The following DOCK8 variants were observed in gnomAD, a reference collection of about 807,000 sequenced individuals.
The protein encoded by DOCK8 is dedicator of cytokinesis protein 8.
A neutral mutation model predicts 245.6 loss-of-function variants in DOCK8; 141 were observed. That is an observed-to-expected ratio of 0.57 (90% CI 0.50 to 0.66). DOCK8 has a LOEUF of 0.66. Ranked by LOEUF, DOCK8 falls within the 30% of genes least tolerant of loss-of-function variation. The probability of loss-of-function intolerance (pLI) is 0.00; values close to 1 mark genes in which losing one functional copy is unlikely to be tolerated. For synonymous variants in DOCK8, 1,168 were observed against 970.2 expected, an observed-to-expected ratio of 1.20 and a Z score of -3.79; for missense variants, 2,965 against 2,603.4, an observed-to-expected ratio of 1.14 and a Z score of -3.02.
chr9:427,357 C>G (rs1260095093), intron 34 of DOCK8, among the ~76,000 whole-genome samples: 1 of 152,150 alleles, frequency 6.6e-6, no homozygotes, highest in African/African-American at 2.4e-5. Flanking sequence ...GAATGATGGT[C>G]ACTGTCTGAT....
chr9:361,529 T>C (rs2052730048), intron 14 of DOCK8, among the ~76,000 whole-genome samples: 1 of 152,224 alleles, frequency 6.6e-6, no homozygotes, highest in Non-Finnish European at 1.5e-5. Context: ...GAGATTGACT[T>C]GTTCACCTTA....
At chr9:432,137 C>T (rs756055716) in intron 36 of DOCK8, 29 bp from the exon 37 acceptor site, 1 of 1,545,114 alleles carries the variant, frequency 6.5e-7, no homozygotes, top group Non-Finnish European at 8.7e-7. Flanking sequence ...TTATTTACTT[C>T]ATCTTTTTTT....
intron 1 of DOCK8, among the ~76,000 whole-genome samples, chr9:252,851 A>C (rs1325737499): frequency 1.3e-5 from 2 of 151,920 alleles, no homozygotes; most frequent in Non-Finnish European, 2.9e-5. Flanking sequence ...GGCAGGCTTT[A>C]TTTGTTAACT....
chr9:419,021 A>C (rs1052424359), intron 30 of DOCK8, among the ~76,000 whole-genome samples: 6 of 152,186 alleles, frequency 3.9e-5, no homozygotes, highest in African/African-American at 1.4e-4. Flanking sequence ...TGTGGGCTCA[A>C]AGAGGGGCTC....
At chr9:230,715 G>GA (rs1276055084) in intron 1 of DOCK8, among the ~76,000 whole-genome samples, 1 of 151,274 alleles carries the variant, frequency 6.6e-6, no homozygotes, top group Non-Finnish European at 1.5e-5. Context: ...AGAAGTGTTT[G>GA]TTCATATCCT....
chr9:386,076 C>G (rs1181974428), intron 22 of DOCK8, among the ~76,000 whole-genome samples: 1 of 152,228 alleles, frequency 6.6e-6, no homozygotes, highest in East Asian at 1.9e-4. Context: ...CTCAGCAGCC[C>G]AGATTCTTAA....
At chr9:359,213 G>A (rs1440268155) in intron 14 of DOCK8, among the ~76,000 whole-genome samples, 1 of 152,148 alleles carries the variant, frequency 6.6e-6, no homozygotes, top group Non-Finnish European at 1.5e-5. Flanking sequence ...CATCCCTTTA[G>A]CCCTTGTAGA....
rs186375658 is a variant in DOCK8 at position 256,493 on chromosome 9, T to A, written c.54-15134T>A. ...GCTGTTATGAGGATAAATTTGGCTT[T>A]ATTGAATGTGCATGATTCCTGGAAC... On this transcript the variant is annotated intron_variant, in intron 1 of 47. Transcript: ENST00000432829. 1.5e-3 allele frequency among the ~76,000 whole-genome samples: 235 copies of A among 152,346 alleles called. 3 individuals carry two copies. The highest frequency in any genetic ancestry group is 5.4e-3 in the African/African-American group (225 of 41,594).
chr9:233,864 G>A (rs142971351), intron 1 of DOCK8, among the ~76,000 whole-genome samples: 4 of 151,874 alleles, frequency 2.6e-5, no homozygotes, highest in African/African-American at 9.7e-5. Context: ...TTGCCAGTCT[G>A]TGTCTTTTAA....
chr9:445,954 T>A (rs2057239978), intron 43 of DOCK8, among the ~76,000 whole-genome samples: 1 of 152,220 alleles, frequency 6.6e-6, no homozygotes. Context: ...CTGATCTCCA[T>A]CCTTGCCAGC....
At chr9:419,767 G>C (rs2056196814) in intron 30 of DOCK8, among the ~76,000 whole-genome samples, 1 of 152,120 alleles carries the variant, frequency 6.6e-6, no homozygotes, top group African/African-American at 2.4e-5. Context: ...ATGAATACTT[G>C]TGGCCAAAAT....
At chr9:222,951 C>T (rs907644485) in intron 1 of DOCK8, among the ~76,000 whole-genome samples, 5 of 152,080 alleles carry the variant, frequency 3.3e-5, no homozygotes, top group East Asian at 1.9e-4. Flanking sequence ...CCCTTTCTAT[C>T]GCAAAATAAG....
At position 356,540 on chromosome 9, in the gene DOCK8, A is replaced by AG. The variant is rs953554641; in HGVS notation, c.1680-11478_1680-11477insG. ...GCGAGACTCTGTCTCAAAAAAAAAAAAAAAAGAAAAAATTTGGTTTGGGTC... is the reference window on the plus strand; with the variant it reads ...GCGAGACTCTGTCTCAAAAAAAAAAAGAAAAAGAAAAAATTTGGTTTGGGTC... On this transcript the variant is annotated intron_variant, in intron 14 of 47. Transcript: ENST00000432829. 2.0e-4 allele frequency among the ~76,000 whole-genome samples: 31 copies of AG among 151,628 alleles called. 1 individual carries two copies. Among genetic ancestry groups the AG allele is most frequent in the African/African-American group, 7.0e-4 (29 of 41,366 alleles).
chr9:432,469 G>GAGTGCTGAGAGCA, intron 37 of DOCK8, 145 bp downstream of exon 37: 1 of 794,360 alleles, frequency 1.3e-6, no homozygotes, highest in Non-Finnish European at 2.0e-6. Context: ...TGTGCTCTCA[G>GAGTGCTGAGAGCA]CACTCTGAGA....
At chr9:284,545 C>T (rs1252732619) in intron 2 of DOCK8, 2 of 152,198 alleles carry the variant, frequency 1.3e-5, no homozygotes, top group Non-Finnish European at 2.9e-5. Flanking sequence ...CTTCTGCCCT[C>T]CTTTGCCATG....
Position 217,742 on chromosome 9 carries a change from T to C in DOCK8, c.53+2713T>C, listed in dbSNP as rs371960730. The stretch of plus-strand genomic sequence containing the variant: ...GTGTCCCAGACACTATATTATACAG[T>C]TAATGGATTTTATGATTAAATTCTC... On this transcript the variant is annotated intron_variant, in intron 1 of 47. Transcript: ENST00000432829. 3.9e-5 allele frequency among the ~76,000 whole-genome samples: 6 copies of C among 152,202 alleles called. No individual in the cohort carries two copies. In the East Asian group the frequency reaches 9.6e-4, roughly 24 times the overall value.
chr9:420,054 G>T (rs537002012), intron 30 of DOCK8: 1 of 357,632 alleles, frequency 2.8e-6, no homozygotes, highest in Non-Finnish European at 5.3e-6. Flanking sequence ...CAGCATGAAA[G>T]CCTCTTTGTA....
chr9:375,244 A>G (rs1455761808), intron 18 of DOCK8, among the ~76,000 whole-genome samples: 2 of 152,208 alleles, frequency 1.3e-5, no homozygotes, highest in African/African-American at 2.4e-5. Flanking sequence ...ATGATGAAAG[A>G]CATACAAACC....
intron 27 of DOCK8, among the ~76,000 whole-genome samples, chr9:406,644 G>A (rs1038214882): frequency 6.6e-6 from 1 of 152,058 alleles, no homozygotes; most frequent in Non-Finnish European, 1.5e-5. Flanking sequence ...TTTATCTTCA[G>A]CTTTTGATTT....
Sources: allele counts gnomAD v4.1 joint callset (sites outside exome capture counted in the v4.1 genomes callset), GRCh38; gene constraint gnomAD v4.1.1; transcripts MANE v1.5; gene names NCBI Gene and HGNC (gene_info 2026-07-23, HGNC 2026-07-21).